IPPK: variants seen among roughly 807,000 people sequenced by gnomAD.
IPPK encodes inositol-pentakisphosphate 2-kinase, also known as IPK1 homolog.
In IPPK, 22 loss-of-function variants were observed where a neutral mutation model predicts 64.6. That is an observed-to-expected ratio of 0.34 (90% CI 0.24 to 0.49). The LOEUF is 0.49. IPPK is among the 20% of genes least tolerant of loss of function. IPPK has a pLI of 0.99. For missense variants in IPPK, 532 were observed against 630.7 expected, an observed-to-expected ratio of 0.84 and a Z score of 1.68; for synonymous variants, 262 against 247.2, an observed-to-expected ratio of 1.06 and a Z score of -0.56.
chr9:92,658,542 A>G (rs774022889), intron 2 of IPPK, 92 bp downstream of exon 2: 231 of 1,057,974 alleles, frequency 2.2e-4, no homozygotes, highest in Non-Finnish European at 3.2e-4. Context: ...TTTGAATGCT[A>G]CAACTAGCAT....
In IPPK at chr9:92,619,499, G is replaced by A. The variant is rs189878742; in HGVS notation, c.1237C>T (p.Leu413=). The A allele has an allele frequency of 1.0e-5, 16 of 1,590,336 alleles. No homozygotes were observed. In the Admixed American group the frequency reaches 1.6e-4, roughly 16 times the overall value. The change falls in exon 12 of 13, where the codon CTG becomes TTG. Residue 413 remains leucine (L), a synonymous_variant. Transcript: ENST00000287996. The part of the protein sequence containing the change: ...CSIMIALSPC[L]QDASSDQRPV... ...TGGGGGCCTCACCTGGCATCCTGCA[G>A]ACAGGGAGACAGTGCAATCATGATG...
In IPPK at chr9:92,634,485, T is replaced by A; in HGVS notation, c.1071A>T (p.Lys357Asn). 6.2e-7 allele frequency: 1 copy of A among 1,611,754 alleles called. No individual in the cohort carries two copies. The highest frequency in any genetic ancestry group is 8.5e-7 in the Non-Finnish European group (1 of 1,177,916). The change falls in exon 11 of 13, where the codon AAA becomes AAT. Residue 357 changes from lysine (K) to asparagine (N), a missense_variant. Transcript: ENST00000287996. ...RYLEEFPEER[K>N]TLQIDGPYDE... Reference sequence around the variant, plus strand: ...CATAAGGCCCATCTATTTGTAAGGTTTTTCTGAAGAAGAAAGCACAATAAA... The same window carrying A: ...CATAAGGCCCATCTATTTGTAAGGTATTTCTGAAGAAGAAAGCACAATAAA...
In IPPK at chr9:92,619,541, T is replaced by A; in HGVS notation, c.1195A>T (p.Thr399Ser). The change falls in exon 12 of 13, where the codon ACT (threonine) becomes TCT (serine). Residue 399 changes from threonine (T) to serine (S), a missense_variant. By Grantham distance (58) the Thr-to-Ser change is moderately conservative. Coordinates refer to ENST00000287996, the MANE Select transcript of IPPK (RefSeq NM_022755.6). Reference sequence around the variant, plus strand: ...ATCATGATGGAGCAGTCCTTGGCAGTCATGGCGACGCGGTACTGCTGCACC... The same window carrying A: ...ATCATGATGGAGCAGTCCTTGGCAGACATGGCGACGCGGTACTGCTGCACC... Reference protein sequence around the residue: ...TKVQQYRVAMTAKDCSIMIAL... With the variant: ...TKVQQYRVAMSAKDCSIMIAL... 1 of 1,590,290 alleles carries A rather than the reference T, an allele frequency of 6.3e-7. No homozygotes were observed.
At chr9:92,631,487 G>A (rs190998235) in intron 11 of IPPK, among the ~76,000 whole-genome samples, 10 of 152,248 alleles carry the variant, frequency 6.6e-5, no homozygotes, top group Admixed American at 2.0e-4. Context: ...CGGCCCACAG[G>A]GTTCAATTAG....
At chr9:92,618,143 C>A (rs1428493905) in intron 12 of IPPK, 5 of 435,060 alleles carry the variant, frequency 1.1e-5, no homozygotes, top group Non-Finnish European at 1.9e-5. Context: ...GAAGCAGGCC[C>A]AGCCCCACAC....
intron 6 of IPPK, among the ~76,000 whole-genome samples, chr9:92,647,620 T>C (rs1224953038): frequency 6.6e-6 from 1 of 152,026 alleles, no homozygotes; most frequent in East Asian, 1.9e-4. Context: ...ATATACCATA[T>C]TCATAGAAAG....
rs578093878 is a variant in IPPK, at chr9:92,652,968, C to T, written c.226-329G>A. 3.3e-5 allele frequency among the ~76,000 whole-genome samples: 5 copies of T among 152,294 alleles called. No homozygotes were observed. The East Asian group carries it at 9.6e-4, about 29-fold the overall frequency. On this transcript the variant is annotated intron_variant, in intron 3 of 12. Coordinates refer to ENST00000287996, the MANE Select transcript of IPPK (RefSeq NM_022755.6). ...TCGCCACAAAGCACCCCTTCCGAGC[C>T]CCCTTCTGGTCTCTACAGCATTTAT... is the stretch of plus-strand genomic sequence containing the variant.
Position 92,616,050 on chromosome 9 carries a change from G to C in IPPK, c.1258C>G (p.Gln420Glu), listed in dbSNP as rs138582676. Reference sequence around the variant, plus strand: ...CTCGATGAAGGGACGACAGGCCTTTGATCAGAGCTGCAAGTAAAAAGTACC... The same window carrying C: ...CTCGATGAAGGGACGACAGGCCTTTCATCAGAGCTGCAAGTAAAAAGTACC... ...SPCLQDASSD[Q>E]RPVVPSSRSR... The change falls in exon 13 of 13, where the codon CAA becomes GAA. Residue 420 changes from glutamine to glutamate, a missense_variant. Transcript: ENST00000287996. 2.6e-3 allele frequency: 4,149 copies of C among 1,612,632 alleles called. 7 individuals carry two copies. Among genetic ancestry groups the C allele is most frequent in the Non-Finnish European group, 2.9e-3 (3,470 of 1,178,984 alleles).
At chr9:92,637,849 G>T in intron 9 of IPPK, 152 bp downstream of exon 9, 1 of 732,792 alleles carries the variant, frequency 1.4e-6, no homozygotes, top group Non-Finnish European at 2.1e-6. Context: ...GTGAGAGGCA[G>T]CGAGGCCCCG....
Position 92,629,968 on chromosome 9 carries a change from G to C in IPPK, c.1170+4418C>G, listed in dbSNP as rs779620209. Among the ~76,000 whole-genome samples the C allele has an allele frequency of 2.4e-4, 37 of 152,220 alleles. 1 individual carries two copies. Among genetic ancestry groups the C allele is most frequent in the Middle Eastern group, 6.8e-3 (2 of 294 alleles). Reference sequence around the variant, plus strand: ...AAGATCGAACCGTACAGCAATTTTGGAAAAGTCTGCCCAGGTCCTCAAAAA... The same window carrying C: ...AAGATCGAACCGTACAGCAATTTTGCAAAAGTCTGCCCAGGTCCTCAAAAA... On this transcript the variant is annotated intron_variant, in intron 11 of 12. Transcript: ENST00000287996.
rs756003381 is a variant in IPPK, at chr9:92,614,452, G to T, written c.*1380C>A. ...TATGAGACGGTGTCATTGGAAGTGA[G>T]AAGAAAACAGTAAAAGTGTCCAGTT... On this transcript the variant is annotated 3_prime_UTR_variant, in exon 13 of 13. Coordinates refer to ENST00000287996, the MANE Select transcript of IPPK (RefSeq NM_022755.6). The T allele has an allele frequency of 1.3e-5, 2 of 152,460 alleles. No individual in the cohort carries two copies. Among genetic ancestry groups the T allele is most frequent in the Non-Finnish European group, 2.9e-5 (2 of 68,050 alleles). The allele number at this position is 152,460 out of a possible 1,614,324, so 9.4% of individuals were successfully genotyped here. A position where few individuals can be genotyped will look rare whatever the true frequency, so the allele number is the denominator to read the frequency against.
chr9:92,618,421 G>A (rs1482162087), intron 12 of IPPK: 1 of 456,664 alleles, frequency 2.2e-6, no homozygotes, highest in Admixed American at 2.3e-5. Context: ...AGATTCCCAG[G>A]TGCTAGACGA....
At chr9:92,622,493 A>AATAAAT (rs1851659801) in intron 11 of IPPK, among the ~76,000 whole-genome samples, 2 of 152,182 alleles carry the variant, frequency 1.3e-5, no homozygotes, top group African/African-American at 4.8e-5. Flanking sequence ...GCATAATCAA[A>AATAAAT]CACTTTTAAA....
chr9:92,615,954 A>G lies in IPPK; in HGVS notation c.1354T>C (p.Tyr452His). The change falls in exon 13 of 13, where the codon TAT becomes CAT. Residue 452 changes from tyrosine to histidine, a missense_variant. Coordinates refer to ENST00000287996, the MANE Select transcript of IPPK (RefSeq NM_022755.6). The stretch of plus-strand genomic sequence containing the variant: ...TTGACGATCTTGCCGTCCAGTTTAT[A>G]CTGATGGGGAATGCTCTCGTAGGGC... ...LKPYESIPHQYKLDGKIVNYY... is the reference protein window; with the variant it reads ...LKPYESIPHQHKLDGKIVNYY... The G allele has an allele frequency of 6.2e-7, 1 of 1,614,074 alleles. No individual in the cohort carries two copies. Among genetic ancestry groups the G allele is most frequent in the Non-Finnish European group, 8.5e-7 (1 of 1,179,994 alleles).
intron 2 of IPPK, 106 bp downstream of exon 2, chr9:92,658,528 C>A: frequency 1.0e-6 from 1 of 954,450 alleles, no homozygotes; most frequent in Non-Finnish European, 1.7e-6. Flanking sequence ...ATGCTTGTAT[C>A]ATCTTTGAAT....
chr9:92,615,023 TG>T lies in IPPK; in HGVS notation c.*808del, dbSNP rs1851389458. On this transcript the variant is annotated 3_prime_UTR_variant, in exon 13 of 13. Transcript: ENST00000287996. ...GAGTGTCAGGAAAGCACTGAGCTGT[TG>T]GGGCACACTGCCCAGCCCGGCCACA... 1 of 152,252 alleles carries T rather than the reference TG, an allele frequency of 6.6e-6. No homozygotes were observed. Among genetic ancestry groups the T allele is most frequent in the South Asian group, 2.1e-4 (1 of 4,836 alleles). 9.4% of individuals were successfully genotyped at this position (152,252 alleles called of 1,614,324 possible).
chr9:92,655,355 C>T (rs952079587), intron 3 of IPPK, among the ~76,000 whole-genome samples: 17 of 152,180 alleles, frequency 1.1e-4, no homozygotes, highest in African/African-American at 3.9e-4. Context: ...TACTGGGACA[C>T]GCTCACCTGC....
chr9:92,619,671 A>G (rs1380008411), intron 11 of IPPK, 106 bp from the exon 12 acceptor site: 4 of 1,027,784 alleles, frequency 3.9e-6, no homozygotes, highest in South Asian at 1.4e-5. Context: ...CCTGCCTCAG[A>G]ACCTGAGGGT....
At chr9:92,647,534 A>G (rs1852171743) in intron 6 of IPPK, among the ~76,000 whole-genome samples, 1 of 152,166 alleles carries the variant, frequency 6.6e-6, no homozygotes, top group Non-Finnish European at 1.5e-5. Context: ...AGCAGCATAT[A>G]AAAGTATTAT....
Sources: gnomAD v4.1 joint callset for allele counts (sites outside exome capture counted in the v4.1 genomes callset) on GRCh38, gnomAD v4.1.1 for gene constraint, MANE v1.5 for transcripts, NCBI Gene and HGNC (gene_info 2026-07-23, HGNC 2026-07-21) for gene names.